DSCAM: variants seen among roughly 807,000 people sequenced by gnomAD.
DSCAM encodes the protein cell adhesion molecule DSCAM.
In DSCAM, 47 loss-of-function variants were observed where a neutral mutation model predicts 217.7. That is an observed-to-expected ratio of 0.22 (90% confidence interval 0.17 to 0.28). The LOEUF is 0.28. Ranked by LOEUF, DSCAM falls within the 10% of genes least tolerant of loss-of-function variation. The pLI is 1.00. For missense variants in DSCAM, 2,080 were observed against 2,618.3 expected, an observed-to-expected ratio of 0.79 and a Z score of 4.49; for synonymous variants, 1,056 against 1,015.3, an observed-to-expected ratio of 1.04 and a Z score of -0.76.
intron 11 of DSCAM, among the ~76,000 whole-genome samples, chr21:40,251,135 A>C (rs2222978): frequency 0.54 from 82,564 of 152,116 alleles, 23,442 homozygotes; most frequent in African/African-American, 0.71. Flanking sequence ...GGAGGCTGTA[A>C]GGGACCAGAG....
At chr21:40,485,380 C>T (rs908594562) in intron 3 of DSCAM, among the ~76,000 whole-genome samples, 3 of 151,816 alleles carry the variant, frequency 2.0e-5, no homozygotes, top group South Asian at 2.1e-4. Flanking sequence ...GTAGCTGGGA[C>T]TACAGGCGCC....
In DSCAM at chr21:40,316,388, T is replaced by C. The variant is rs893471788; in HGVS notation, c.1784-4029A>G. On this transcript the variant is annotated intron_variant, in intron 8 of 32. Transcript: ENST00000400454. ...TTGCATCAGCTGTGAGTTGCAAGTC[T>C]GCTGCATACAAATGCATAAAATTTT... is the stretch of plus-strand genomic sequence containing the variant. 2.6e-5 allele frequency among the ~76,000 whole-genome samples: 4 copies of C among 152,348 alleles called. No individual in the cohort carries two copies. The East Asian group carries it at 7.7e-4, about 29-fold the overall frequency.
At chr21:40,712,609 A>G (rs2090794385) in intron 1 of DSCAM, among the ~76,000 whole-genome samples, 1 of 152,136 alleles carries the variant, frequency 6.6e-6, no homozygotes, top group Non-Finnish European at 1.5e-5. Flanking sequence ...TGTTTCGTAA[A>G]TGCTAGTTGG....
At chr21:40,033,246 C>T (rs1229195305) in intron 32 of DSCAM, among the ~76,000 whole-genome samples, 1 of 152,158 alleles carries the variant, frequency 6.6e-6, no homozygotes. Context: ...GTGATTTCGG[C>T]ATTTCCATCT....
intron 8 of DSCAM, among the ~76,000 whole-genome samples, chr21:40,332,928 C>A (rs1361579424): frequency 6.6e-6 from 1 of 152,214 alleles, no homozygotes; most frequent in Non-Finnish European, 1.5e-5. Context: ...TATGCACACA[C>A]TTTCCGCTAT....
Position 40,598,663 on chromosome 21 carries a change from C to G in DSCAM, c.508+94147G>C, listed in dbSNP as rs138802827. Among the ~76,000 whole-genome samples the G allele has an allele frequency of 8.0e-3, 1,215 of 151,938 alleles. 14 individuals are homozygous for G. The highest frequency in any genetic ancestry group is 0.027 in the African/African-American group (1,128 of 41,422). ...GGGATTACAGGTGCACGCCATGACA[C>G]CCGGCTAATTTTTGTATTTTTAGTA... On this transcript the variant is annotated intron_variant, in intron 3 of 32. Coordinates refer to ENST00000400454, the MANE Select transcript of DSCAM (RefSeq NM_001389.5).
At chr21:40,033,361 G>A (rs911451328) in intron 32 of DSCAM, among the ~76,000 whole-genome samples, 5 of 152,214 alleles carry the variant, frequency 3.3e-5, no homozygotes, top group Admixed American at 1.3e-4. Flanking sequence ...TGCATCACTC[G>A]GGAAGCACAG....
intron 1 of DSCAM, among the ~76,000 whole-genome samples, chr21:40,765,203 A>G (rs2091375824): frequency 2.0e-5 from 3 of 152,186 alleles, no homozygotes; most frequent in African/African-American, 7.2e-5. Context: ...TGCTGAGGGC[A>G]TACTTTCCTA....
chr21:40,479,952 T>C (rs144234676), intron 3 of DSCAM, among the ~76,000 whole-genome samples: 2,946 of 152,318 alleles, frequency 0.019, 74 homozygotes, highest in Admixed American at 0.081. Context: ...AATGGTCTTT[T>C]GTGCCAGGTA....
chr21:40,224,141 C>T (rs977055501), intron 11 of DSCAM, among the ~76,000 whole-genome samples: 2 of 152,120 alleles, frequency 1.3e-5, no homozygotes, highest in African/African-American at 2.4e-5. Flanking sequence ...AATTTTTGAA[C>T]TCTTTAAATA....
intron 3 of DSCAM, among the ~76,000 whole-genome samples, chr21:40,646,584 A>T (rs991949896): frequency 2.0e-5 from 3 of 152,204 alleles, no homozygotes; most frequent in Non-Finnish European, 4.4e-5. Context: ...TCTTCCTTGG[A>T]TGAAATATTT....
chr21:40,097,279 G>A (rs765168462), intron 20 of DSCAM, among the ~76,000 whole-genome samples: 1 of 152,102 alleles, frequency 6.6e-6, no homozygotes, highest in African/African-American at 2.4e-5. Flanking sequence ...GTATATGATT[G>A]TAAGTTTCTT....
intron 11 of DSCAM, among the ~76,000 whole-genome samples, chr21:40,219,439 T>C (rs1054062371): frequency 2.0e-5 from 3 of 152,216 alleles, no homozygotes; most frequent in African/African-American, 7.2e-5. Context: ...CCACATAATA[T>C]TGAATTAGGC....
chr21:40,143,486 T>C, intron 17 of DSCAM, among the ~76,000 whole-genome samples: 1 of 152,214 alleles, frequency 6.6e-6, no homozygotes, highest in Non-Finnish European at 1.5e-5. Context: ...AAGTCCTATC[T>C]GCCTCCGCAA....
intron 11 of DSCAM, among the ~76,000 whole-genome samples, chr21:40,248,317 A>T (rs2073255405): frequency 6.6e-6 from 1 of 152,076 alleles, no homozygotes; most frequent in Non-Finnish European, 1.5e-5. Flanking sequence ...CAGGCTGCAA[A>T]TTTTCCAAAC....
intron 8 of DSCAM, among the ~76,000 whole-genome samples, chr21:40,337,464 T>C (rs2074440205): frequency 6.6e-6 from 1 of 152,230 alleles, no homozygotes; most frequent in Admixed American, 6.5e-5. Context: ...AAAGTCTGCG[T>C]ATCCTTGGAT....
rs184603596 is a variant in DSCAM, at chr21:40,021,104, C to G, written c.5687-7718G>C. On this transcript the variant is annotated intron_variant, in intron 32 of 32. Coordinates refer to ENST00000400454, the MANE Select transcript of DSCAM (RefSeq NM_001389.5). The stretch of plus-strand genomic sequence containing the variant: ...GATGAGAGAGAGGGGAAGAGACACA[C>G]AGAGAGAGAGAGAGGGATCAGAGAG... Among the ~76,000 whole-genome samples, 50 of 139,222 alleles carry G rather than the reference C, an allele frequency of 3.6e-4. 1 individual carries two copies. The highest frequency in any genetic ancestry group is 1.1e-3 in the South Asian group (5 of 4,526). The allele number at this position is 139,222 out of a possible 152,430, so 91.3% of individuals were successfully genotyped here. A position where few individuals can be genotyped will look rare whatever the true frequency, so the allele number is the denominator to read the frequency against.
At chr21:40,313,302 G>A (rs567773951) in intron 8 of DSCAM, among the ~76,000 whole-genome samples, 12 of 152,074 alleles carry the variant, frequency 7.9e-5, no homozygotes, top group East Asian at 3.9e-4. Context: ...GAACTGGTCC[G>A]TGGCAGGTTA....
chr21:40,051,449 G>T (rs548153261), intron 30 of DSCAM, among the ~76,000 whole-genome samples: 1 of 152,242 alleles, frequency 6.6e-6, no homozygotes, highest in East Asian at 1.9e-4. Context: ...TAAGCTTTGG[G>T]GATAGATGGG....
Sources: allele counts gnomAD v4.1 joint callset (sites outside exome capture counted in the v4.1 genomes callset), GRCh38; gene constraint gnomAD v4.1.1; transcripts MANE v1.5; gene names NCBI Gene and HGNC (gene_info 2026-07-23, HGNC 2026-07-21).